The following CCDC171 variants were observed in gnomAD, a reference collection of about 807,000 sequenced individuals.
CCDC171 encodes the protein coiled-coil domain-containing protein 171.
Under a neutral mutation model 168.2 loss-of-function variants are expected in CCDC171, and 177 were observed. That is an observed-to-expected ratio of 1.05 (90% CI 0.93 to 1.19). The LOEUF (loss-of-function observed/expected upper bound fraction) is 1.19, where lower values mean the gene tolerates loss of function less well. Among genes scored for constraint, CCDC171 ranks in the 50% most tolerant of loss-of-function variants. The probability of loss-of-function intolerance (pLI) is 0.00; values close to 1 mark genes in which losing one functional copy is unlikely to be tolerated. For missense variants in CCDC171, 1,991 were observed against 1,539.0 expected, an observed-to-expected ratio of 1.29 and a Z score of -4.91; for synonymous variants, 687 against 540.8, an observed-to-expected ratio of 1.27 and a Z score of -3.75.
At chr9:15,961,052 A>G (rs1323166420) in intron 25 of CCDC171, among the ~76,000 whole-genome samples, 1 of 152,188 alleles carries the variant, frequency 6.6e-6, no homozygotes, top group Admixed American at 6.6e-5. Context: ...ATGAGAATTT[A>G]ATGCTAAGTT....
At chr9:16,071,894 C>A in the CCDC171 span, among the ~76,000 whole-genome samples, 1 of 151,940 alleles carries the variant, frequency 6.6e-6, no homozygotes, top group Non-Finnish European at 1.5e-5. Context: ...ACCCCATAAC[C>A]CCCAATTTAA....
Position 15,740,729 on chromosome 9 carries a change from C to T in CCDC171, c.2050-3544C>T, listed in dbSNP as rs374018234. 6.1e-4 allele frequency among the ~76,000 whole-genome samples: 93 copies of T among 152,266 alleles called. 2 individuals are homozygous for T. The South Asian group carries it at 0.017, about 29-fold the overall frequency. On this transcript the variant is annotated intron_variant, in intron 16 of 25. Transcript: ENST00000380701. Reference sequence around the variant, plus strand: ...TGCTGGGATTACAGGCATGAGCCACCGTGCCCGGCCTTAATTAGAGGTTTT... The same window carrying T: ...TGCTGGGATTACAGGCATGAGCCACTGTGCCCGGCCTTAATTAGAGGTTTT...
Position 15,622,101 on chromosome 9 carries a change from A to G in CCDC171, c.676-1166A>G, listed in dbSNP as rs138827687. Among the ~76,000 whole-genome samples the G allele has an allele frequency of 4.9e-4, 74 of 152,272 alleles. No homozygotes were observed. In the East Asian group the frequency reaches 0.012, roughly 24 times the overall value. On this transcript the variant is annotated intron_variant, in intron 6 of 25. Coordinates refer to ENST00000380701, the MANE Select transcript of CCDC171 (RefSeq NM_173550.4). Reference sequence around the variant, plus strand: ...ACAATGAGAACACATGGACACAAAGAGGGGAACAACATACACTGGGTTCTG... The same window carrying G: ...ACAATGAGAACACATGGACACAAAGGGGGGAACAACATACACTGGGTTCTG...
the CCDC171 span, among the ~76,000 whole-genome samples, chr9:16,108,122 G>T: frequency 6.6e-6 from 1 of 152,190 alleles, no homozygotes; most frequent in Admixed American, 6.5e-5. Flanking sequence ...AAAATTTACA[G>T]ATTTTGGAAA....
chr9:15,842,081 C>T (rs990304255), intron 21 of CCDC171, among the ~76,000 whole-genome samples: 3 of 151,682 alleles, frequency 2.0e-5, no homozygotes, highest in Admixed American at 6.6e-5. Flanking sequence ...ATCTTTTTTC[C>T]CCCTGCAAGG....
intron 9 of CCDC171, among the ~76,000 whole-genome samples, chr9:15,673,957 G>C (rs1027124574): frequency 6.6e-6 from 1 of 152,100 alleles, no homozygotes; most frequent in Non-Finnish European, 1.5e-5. Context: ...GGTAGTATTT[G>C]GCTGTGAATC....
At chr9:15,600,722 C>T (rs2042777516) in intron 6 of CCDC171, among the ~76,000 whole-genome samples, 1 of 152,222 alleles carries the variant, frequency 6.6e-6, no homozygotes, top group Non-Finnish European at 1.5e-5. Flanking sequence ...TGGCTATGCC[C>T]TGCCCCCAGA....
chr9:15,905,663 A>G (rs1471218500), intron 24 of CCDC171, among the ~76,000 whole-genome samples: 2 of 152,186 alleles, frequency 1.3e-5, no homozygotes, highest in African/African-American at 2.4e-5. Flanking sequence ...GGCAAGAAAA[A>G]ACTAAGATCA....
intron 9 of CCDC171, among the ~76,000 whole-genome samples, chr9:15,668,003 T>C (rs1277921245): frequency 6.6e-6 from 1 of 152,232 alleles, no homozygotes; most frequent in African/African-American, 2.4e-5. Flanking sequence ...TATTCAAATA[T>C]TATTCTGCAT....
At chr9:15,626,065 ATTCTC>A (rs773905537) in intron 7 of CCDC171, among the ~76,000 whole-genome samples, 2 of 152,038 alleles carry the variant, frequency 1.3e-5, no homozygotes, top group African/African-American at 2.4e-5. Flanking sequence ...TAGGTATTTT[ATTCTC>A]TTTGTAGCAA....
At chr9:16,076,840 CA>C in the CCDC171 span, among the ~76,000 whole-genome samples, 8 of 152,300 alleles carry the variant, frequency 5.3e-5, no homozygotes, top group Non-Finnish European at 1.0e-4. Context: ...CGTGGGCCTG[CA>C]AAGACAGACT....
At chr9:15,557,882 A>G (rs200829834) in intron 1 of CCDC171, among the ~76,000 whole-genome samples, 4 of 151,980 alleles carry the variant, frequency 2.6e-5, no homozygotes, top group Admixed American at 2.6e-4. Context: ...GTTTGTCATA[A>G]AGAGCTCTTA....
chr9:15,959,632 G>T (rs1229092894), intron 25 of CCDC171, among the ~76,000 whole-genome samples: 1 of 152,106 alleles, frequency 6.6e-6, no homozygotes, highest in Non-Finnish European at 1.5e-5. Flanking sequence ...TTTCAAACAA[G>T]TCTAGGCCTT....
At chr9:15,806,541 T>C (rs1485539665) in intron 21 of CCDC171, among the ~76,000 whole-genome samples, 3 of 152,242 alleles carry the variant, frequency 2.0e-5, no homozygotes, top group African/African-American at 7.2e-5. Context: ...TGTTTTTCTT[T>C]AAGAATGTTG....
chr9:15,950,439 A>G (rs531379657), intron 25 of CCDC171, among the ~76,000 whole-genome samples: 4 of 152,282 alleles, frequency 2.6e-5, no homozygotes, highest in Non-Finnish European at 5.9e-5. Flanking sequence ...CAGAAACTCT[A>G]CAAGCCAGAA....
At chr9:15,728,371 A>G (rs2053948485) in intron 15 of CCDC171, among the ~76,000 whole-genome samples, 1 of 152,194 alleles carries the variant, frequency 6.6e-6, no homozygotes, top group Admixed American at 6.5e-5. Flanking sequence ...ATTTACATTA[A>G]TAAACCAACT....
intron 24 of CCDC171, among the ~76,000 whole-genome samples, chr9:15,898,474 A>G (rs1307064739): frequency 2.0e-5 from 3 of 152,228 alleles, no homozygotes; most frequent in Non-Finnish European, 4.4e-5. Flanking sequence ...TGTGATGAGC[A>G]AAATGCTAGG....
At chr9:15,653,236 C>T (rs1289417089) in intron 7 of CCDC171, among the ~76,000 whole-genome samples, 1 of 152,122 alleles carries the variant, frequency 6.6e-6, no homozygotes, top group Non-Finnish European at 1.5e-5. Flanking sequence ...ATTTCCTGGG[C>T]TCAAGTGATC....
rs2048709742 is a variant in CCDC171 at position 15,666,035 on chromosome 9, A to G, written c.916-128A>G. ...TGTCTTTTATTTATTTTTCTTTTTT[A>G]AGCCAAAGCAGAAAGAAAGAAGTGC... On this transcript the variant is annotated intron_variant, in intron 8 of 25. Transcript: ENST00000380701. 3.9e-6 allele frequency: 3 copies of G among 759,692 alleles called. No individual in the cohort carries two copies. The Admixed American group carries it at 8.8e-5, about 22-fold the overall frequency. 47.1% of individuals were successfully genotyped at this position (759,692 alleles called of 1,614,324 possible).
Sources: allele counts gnomAD v4.1 joint callset (sites outside exome capture counted in the v4.1 genomes callset), GRCh38; gene constraint gnomAD v4.1.1; transcripts MANE v1.5; gene names NCBI Gene and HGNC (gene_info 2026-07-23, HGNC 2026-07-21).